The following RGS10 variants were observed in gnomAD, a reference collection of about 807,000 sequenced individuals.
RGS10 encodes the protein regulator of G-protein signalling 10.
Under a neutral mutation model 23.5 loss-of-function variants are expected in RGS10, and 11 were observed. The observed-to-expected ratio is 0.47, with a 90% confidence interval of 0.29 to 0.77. RGS10 has a LOEUF of 0.77. Among genes scored for constraint, RGS10 ranks in the 30% least tolerant of loss-of-function variants. RGS10 has a pLI of 0.08. For synonymous variants in RGS10, 77 were observed against 83.2 expected (o/e 0.92, Z 0.41); for missense variants, 180 against 226.3 (o/e 0.80, Z 1.31).
chr10:119,522,882 T>TC (rs142409163), intron 3 of RGS10, among the ~76,000 whole-genome samples: 3 of 59,452 alleles, frequency 5.0e-5, no homozygotes, highest in Admixed American at 3.3e-4. Context: ...CTCTGAATTC[T>TC]TTTTTTTTTT....
chr10:119,537,001 A>G (rs1391707596), intron 1 of RGS10, among the ~76,000 whole-genome samples: 1 of 152,218 alleles, frequency 6.6e-6, no homozygotes, highest in African/African-American at 2.4e-5. Flanking sequence ...CTGGCACTCA[A>G]GTATATATTT....
intron 4 of RGS10, among the ~76,000 whole-genome samples, chr10:119,510,255 C>A (rs1434039003): frequency 6.6e-6 from 1 of 152,214 alleles, no homozygotes; most frequent in Non-Finnish European, 1.5e-5. Flanking sequence ...GCCTCGGGGC[C>A]TGACCCAGCC....
At chr10:119,531,034 T>G (rs1204317301) in intron 1 of RGS10, among the ~76,000 whole-genome samples, 3 of 152,248 alleles carry the variant, frequency 2.0e-5, no homozygotes, top group Non-Finnish European at 4.4e-5. Context: ...TTCCCTGTTC[T>G]CTTTGTAAAT....
chr10:119,517,041 A>T lies in RGS10; in HGVS notation c.256-1389T>A, dbSNP rs945958615. ...GCCTGGAAAACTGCCTTTCTCTCCAAGAGCCCAACTGGGGCTCCGCATGTG... is the reference window on the plus strand; with the variant it reads ...GCCTGGAAAACTGCCTTTCTCTCCATGAGCCCAACTGGGGCTCCGCATGTG... On this transcript the variant is annotated intron_variant, in intron 3 of 4. Transcript: ENST00000369103. This position sits in a 1 kb window ranked among gnomAD's most constrained non-coding sequence, Gnocchi z 5.0. Among the ~76,000 whole-genome samples the T allele has an allele frequency of 6.6e-6, 1 of 152,252 alleles. No homozygotes were observed. The highest frequency in any genetic ancestry group is 2.4e-5 in the African/African-American group (1 of 41,472).
intron 4 of RGS10, among the ~76,000 whole-genome samples, chr10:119,500,628 T>C (rs1427458158): frequency 1.3e-5 from 2 of 151,570 alleles, no homozygotes; most frequent in Non-Finnish European, 2.9e-5. Flanking sequence ...GACAGCCGAA[T>C]AGAAACCATT....
Position 119,524,845 on chromosome 10 carries a change from G to A in RGS10, c.255+1187C>T, listed in dbSNP as rs182660933. Among the ~76,000 whole-genome samples, 242 of 152,348 alleles carry A rather than the reference G, an allele frequency of 1.6e-3. 2 individuals are homozygous for A. Among genetic ancestry groups the A allele is most frequent in the Admixed American group, 3.3e-3 (50 of 15,306 alleles). ...TCCCTTGCCACCTCCAGAGAGGAAG[G>A]TGGTGGAGAAAAGGCCGCGCTGCGC... On this transcript the variant is annotated intron_variant, in intron 3 of 4. Transcript: ENST00000369103. This position sits in a 1 kb window ranked among gnomAD's most constrained non-coding sequence, Gnocchi z 5.2.
intron 2 of RGS10, among the ~76,000 whole-genome samples, chr10:119,526,750 G>C (rs757915149): frequency 6.6e-6 from 1 of 152,154 alleles, no homozygotes; most frequent in Non-Finnish European, 1.5e-5. Flanking sequence ...CCTGACCCAA[G>C]ACTTAAAGAC....
At chr10:119,541,513 C>T (rs1844434625) in intron 1 of RGS10, among the ~76,000 whole-genome samples, 1 of 152,180 alleles carries the variant, frequency 6.6e-6, no homozygotes, top group Non-Finnish European at 1.5e-5. Flanking sequence ...AAAGGTCCCA[C>T]GGCTGGTGAA....
intron 3 of RGS10, among the ~76,000 whole-genome samples, chr10:119,523,221 C>T (rs1844239384): frequency 6.6e-6 from 1 of 152,178 alleles, no homozygotes; most frequent in Non-Finnish European, 1.5e-5. Flanking sequence ...GTGACTCACA[C>T]TGGGGCCCAA....
chr10:119,507,344 G>A lies in RGS10; in HGVS notation c.400-7085C>T, dbSNP rs116545698. On this transcript the variant is annotated intron_variant, in intron 4 of 4. Transcript: ENST00000369103. The stretch of plus-strand genomic sequence containing the variant: ...AAGGTCCTGTTTGGAGAAATAATGG[G>A]GCAAGGGAGAGAATGGGCCCCCAAA... Among the ~76,000 whole-genome samples, 396 of 152,172 alleles carry A rather than the reference G, an allele frequency of 2.6e-3. 2 individuals carry two copies. Among genetic ancestry groups the A allele is most frequent in the African/African-American group, 9.3e-3 (385 of 41,518 alleles).
chr10:119,542,536 G>C, intron 1 of RGS10, 54 bp downstream of exon 1: 1 of 1,353,872 alleles, frequency 7.4e-7, no homozygotes, highest in East Asian at 3.1e-5. Flanking sequence ...CAGGAGGCCG[G>C]GCGGGCGAAA....
At chr10:119,533,993 A>T (rs1844357828) in intron 1 of RGS10, among the ~76,000 whole-genome samples, 1 of 151,758 alleles carries the variant, frequency 6.6e-6, no homozygotes, top group Non-Finnish European at 1.5e-5. Context: ...GGTGGCTCAC[A>T]CCTGTAATCC....
intron 4 of RGS10, among the ~76,000 whole-genome samples, chr10:119,500,769 G>A (rs1307697540): frequency 1.3e-5 from 2 of 150,922 alleles, no homozygotes; most frequent in Admixed American, 6.6e-5. Context: ...AAAATGAGGC[G>A]TGCTCACTGC....
chr10:119,506,778 G>A (rs980833166), intron 4 of RGS10, among the ~76,000 whole-genome samples: 6 of 152,104 alleles, frequency 3.9e-5, no homozygotes, highest in African/African-American at 9.7e-5. Flanking sequence ...TCAGCTCACC[G>A]CAACCTCCAA....
chr10:119,520,331 A>G (rs1046277628), intron 3 of RGS10, among the ~76,000 whole-genome samples: 2 of 152,198 alleles, frequency 1.3e-5, no homozygotes, highest in African/African-American at 4.8e-5. Flanking sequence ...GCCCCTGAAC[A>G]GGTGGGGAGG....
chr10:119,532,584 C>G (rs1031412562), intron 1 of RGS10, among the ~76,000 whole-genome samples: 3 of 152,034 alleles, frequency 2.0e-5, no homozygotes, highest in African/African-American at 7.2e-5. Context: ...GGCGTGGCAA[C>G]TCACACCAGC....
intron 4 of RGS10, among the ~76,000 whole-genome samples, chr10:119,503,332 C>A (rs1348484464): frequency 6.7e-6 from 1 of 149,630 alleles, no homozygotes; most frequent in African/African-American, 2.5e-5. Context: ...AGAGCCAGAC[C>A]CTGTCTCAAA....
chr10:119,518,790 T>C (rs942573097), intron 3 of RGS10, among the ~76,000 whole-genome samples: 1 of 151,908 alleles, frequency 6.6e-6, no homozygotes, highest in Non-Finnish European at 1.5e-5. Context: ...CTGCAAGCTC[T>C]GCCTCCCGGG....
chr10:119,519,081 C>T (rs1225502079), intron 3 of RGS10, among the ~76,000 whole-genome samples: 2 of 152,196 alleles, frequency 1.3e-5, no homozygotes, highest in Admixed American at 6.5e-5. Context: ...TCATTCCTCA[C>T]GCTACACACA....
Sources: gnomAD v4.1 joint callset for allele counts (sites outside exome capture counted in the v4.1 genomes callset) on GRCh38, gnomAD v4.1.1 for gene constraint, Gnocchi (gnomAD v3.1) non-coding constraint, MANE v1.5 for transcripts, NCBI Gene and HGNC (gene_info 2026-07-23, HGNC 2026-07-21) for gene names.